Variants in BMAL2 observed in about 807,000 individuals in gnomAD.
BMAL2 encodes basic helix-loop-helix ARNT like 2.
chr12:27,380,843 A>C, the BMAL2 span, among the ~76,000 whole-genome samples: 1 of 151,700 alleles, frequency 6.6e-6, no homozygotes, highest in African/African-American at 2.4e-5. Context: ...AAAATTAGCC[A>C]AGTGTGGTCT....
At chr12:27,334,574 T>C in the BMAL2 span, among the ~76,000 whole-genome samples, 671 of 152,158 alleles carry the variant, frequency 4.4e-3, 4 homozygotes, top group African/African-American at 0.015. Flanking sequence ...GAAGTGAAAA[T>C]GCACCTACTA....
At chr12:27,336,921 G>T in the BMAL2 span, among the ~76,000 whole-genome samples, 2 of 136,756 alleles carry the variant, frequency 1.5e-5, no homozygotes, top group Admixed American at 8.0e-5. Flanking sequence ...CTGCACTCCA[G>T]CCTGGGTGAC....
At chr12:27,350,971 T>C in the BMAL2 span, among the ~76,000 whole-genome samples, 1 of 137,712 alleles carries the variant, frequency 7.3e-6, no homozygotes, top group African/African-American at 2.8e-5. Flanking sequence ...TGAGCCACCA[T>C]GCCCAGACCC....
the BMAL2 span, among the ~76,000 whole-genome samples, chr12:27,343,322 TGAAAA>T: frequency 6.6e-6 from 1 of 152,264 alleles, no homozygotes; most frequent in Non-Finnish European, 1.5e-5. Flanking sequence ...CGCCATTCAG[TGAAAA>T]GATATACAGA....
chr12:27,386,837 C>T, the BMAL2 span, among the ~76,000 whole-genome samples: 1 of 152,052 alleles, frequency 6.6e-6, no homozygotes, highest in South Asian at 2.1e-4. Flanking sequence ...GCCAGTGTTG[C>T]CCAGGCTGGT....
At chr12:27,378,487 G>A in the BMAL2 span, among the ~76,000 whole-genome samples, 3 of 152,214 alleles carry the variant, frequency 2.0e-5, no homozygotes, top group African/African-American at 7.2e-5. Context: ...GCAAGGCATG[G>A]AGGAGATGTG....
chr12:27,353,204 G>A, the BMAL2 span, among the ~76,000 whole-genome samples: 1 of 152,166 alleles, frequency 6.6e-6, no homozygotes, highest in South Asian at 2.1e-4. Context: ...AACCAAAACA[G>A]CATGAGACTG....
At chr12:27,378,204 T>G in the BMAL2 span, among the ~76,000 whole-genome samples, 4 of 152,208 alleles carry the variant, frequency 2.6e-5, no homozygotes, top group African/African-American at 9.6e-5. Flanking sequence ...CTGTGGAAAT[T>G]TCTTATCATC....
chr12:27,414,758 A>G, the BMAL2 span, among the ~76,000 whole-genome samples: 51 of 152,316 alleles, frequency 3.3e-4, no homozygotes, highest in East Asian at 9.1e-3. Context: ...TCCAAAGTCA[A>G]CAGAAGGAAG....
chr12:27,380,338 A>G, the BMAL2 span: 3 of 1,614,088 alleles, frequency 1.9e-6, no homozygotes, highest in African/African-American at 1.3e-5. Flanking sequence ...GTGCAACCCC[A>G]TGGCGCGTAA....
chr12:27,398,454 A>G, the BMAL2 span, among the ~76,000 whole-genome samples: 6 of 152,340 alleles, frequency 3.9e-5, no homozygotes, highest in South Asian at 1.0e-3. Flanking sequence ...CTAAAGAATT[A>G]TTGAGATAAG....
the BMAL2 span, among the ~76,000 whole-genome samples, chr12:27,348,842 C>A: frequency 6.6e-6 from 1 of 152,184 alleles, no homozygotes; most frequent in Admixed American, 6.5e-5. Context: ...GGAGCTGTGC[C>A]TGGTGAGGGA....
chr12:27,365,078 C>G, the BMAL2 span, among the ~76,000 whole-genome samples: 2 of 152,016 alleles, frequency 1.3e-5, no homozygotes, highest in African/African-American at 4.8e-5. Context: ...CCAATAAGAG[C>G]AAAACAATTT....
the BMAL2 span, among the ~76,000 whole-genome samples, chr12:27,360,813 A>AAAAAAAAAAAAAAAAAAAAAAAAAAAC: frequency 6.7e-6 from 1 of 148,932 alleles, no homozygotes; most frequent in Non-Finnish European, 1.5e-5. Flanking sequence ...CAAAAAAAAA[A>AAAAAAAAAAAAAAAAAAAAAAAAAAAC]AAAAAAAAAA....
the BMAL2 span, among the ~76,000 whole-genome samples, chr12:27,349,930 C>A: frequency 6.6e-6 from 1 of 152,174 alleles, no homozygotes; most frequent in Non-Finnish European, 1.5e-5. Context: ...GCAGAGGTGG[C>A]GAGCTCCTCA....
the BMAL2 span, among the ~76,000 whole-genome samples, chr12:27,412,849 C>A: frequency 6.6e-6 from 1 of 151,860 alleles, no homozygotes; most frequent in African/African-American, 2.4e-5. Context: ...ATCAAATTCT[C>A]AAAAGTCAAA....
chr12:27,410,920 CTA>C, the BMAL2 span, among the ~76,000 whole-genome samples: 1 of 151,938 alleles, frequency 6.6e-6, no homozygotes, highest in South Asian at 2.1e-4. Flanking sequence ...TTACACATAA[CTA>C]TATCATTATA....
At chr12:27,397,317 A>G in the BMAL2 span, among the ~76,000 whole-genome samples, 4 of 152,220 alleles carry the variant, frequency 2.6e-5, no homozygotes, top group African/African-American at 9.6e-5. Flanking sequence ...TGATCCGCCA[A>G]CCTTGGCCTC....
chr12:27,387,373 A>T, the BMAL2 span: 1 of 1,272,074 alleles, frequency 7.9e-7, no homozygotes, highest in Non-Finnish European at 1.1e-6. Context: ...TTGAACAAAC[A>T]CATATTTTTA....
Sources: allele counts gnomAD v4.1 joint callset (sites outside exome capture counted in the v4.1 genomes callset), GRCh38; gene constraint gnomAD v4.1.1; transcripts MANE v1.5; gene names NCBI Gene and HGNC (gene_info 2026-07-23, HGNC 2026-07-21).